RELL1: variants seen among roughly 807,000 people sequenced by gnomAD.
RELL1 encodes the protein RELT-like protein 1.
In RELL1, 10 loss-of-function variants were observed where a neutral mutation model predicts 23.0. The ratio of observed to expected loss-of-function variants is 0.43; its 90% CI spans 0.27 to 0.74. RELL1 has a LOEUF of 0.74. Ranked by LOEUF, RELL1 falls within the 30% of genes least tolerant of loss-of-function variation. The probability of loss-of-function intolerance (pLI) is 0.19; values close to 1 mark genes in which losing one functional copy is unlikely to be tolerated. For synonymous variants in RELL1, 146 were observed against 146.8 expected, an observed-to-expected ratio of 0.99 and a Z score of 0.04; for missense variants, 315 against 364.4, an observed-to-expected ratio of 0.86 and a Z score of 1.10.
At chr4:37,622,331 G>A (rs1336583205) in intron 6 of RELL1, among the ~76,000 whole-genome samples, 1 of 152,194 alleles carries the variant, frequency 6.6e-6, no homozygotes, top group African/African-American at 2.4e-5. Flanking sequence ...AGGACATAGT[G>A]AACACTGATC....
intron 6 of RELL1, among the ~76,000 whole-genome samples, chr4:37,597,772 T>C (rs144110552): frequency 5.8e-4 from 89 of 152,242 alleles, no homozygotes; most frequent in East Asian, 3.1e-3. Context: ...TTACAGGGGC[T>C]GGGTGCCGTG....
chr4:37,595,219 A>G (rs1031899808), intron 6 of RELL1, among the ~76,000 whole-genome samples: 1 of 152,182 alleles, frequency 6.6e-6, no homozygotes, highest in African/African-American at 2.4e-5. Context: ...TAAATTTGTA[A>G]GTTTCTCATA....
chr4:37,605,637 G>C (rs1346167894), downstream of RELL1, among the ~76,000 whole-genome samples: 1 of 151,734 alleles, frequency 6.6e-6, no homozygotes, highest in Non-Finnish European at 1.5e-5. Context: ...AGCTACTCAG[G>C]AGGCTGAGGC....
At chr4:37,599,501 G>A (rs1004823512) in intron 6 of RELL1, among the ~76,000 whole-genome samples, 1 of 152,128 alleles carries the variant, frequency 6.6e-6, no homozygotes, top group Non-Finnish European at 1.5e-5. Context: ...ACTGGAATTT[G>A]GGGGAAAACA....
Position 37,612,590 on chromosome 4 carries a change from T to G in RELL1, c.*756A>C, listed in dbSNP as rs187942209. ...AGGTGGAGATTGAGGTGAGTGGAGATTGTGCCACTGCACTCCAGCCTAGGG... is the reference window on the plus strand; with the variant it reads ...AGGTGGAGATTGAGGTGAGTGGAGAGTGTGCCACTGCACTCCAGCCTAGGG... On this transcript the variant is annotated 3_prime_UTR_variant, in exon 7 of 7. Coordinates refer to ENST00000454158, the MANE Select transcript of RELL1 (RefSeq NM_001085400.2). Among the ~76,000 whole-genome samples, 45 of 149,168 alleles carry G rather than the reference T, an allele frequency of 3.0e-4. 1 individual carries two copies. In the East Asian group the frequency reaches 8.7e-3, roughly 29 times the overall value.
rs36064800 is a variant in RELL1 at position 37,612,176 on chromosome 4, C to CAA, written c.*1168_*1169dup. Among the ~76,000 whole-genome samples the CAA allele has an allele frequency of 2.8e-4, 15 of 53,770 alleles. No homozygotes were observed. Among genetic ancestry groups the CAA allele is most frequent in the African/African-American group, 6.8e-4 (10 of 14,620 alleles). The allele number at this position is 53,770 out of a possible 152,430, so 35.3% of individuals were successfully genotyped here. A position where few individuals can be genotyped will look rare whatever the true frequency, so the allele number is the denominator to read the frequency against. ...TGGGCGACAGAGCGAGACTCCGCCT[C>CAA]AAAAAAAAAAAAAAAAAAAAAAAAA... On this transcript the variant is annotated 3_prime_UTR_variant, in exon 7 of 7. Coordinates refer to ENST00000454158, the MANE Select transcript of RELL1 (RefSeq NM_001085400.2).
intron 1 of RELL1, among the ~76,000 whole-genome samples, chr4:37,671,758 T>C (rs754795416): frequency 1.5e-5 from 1 of 64,520 alleles, no homozygotes; most frequent in African/African-American, 3.0e-5. Context: ...ATAGCCATTC[T>C]TTATTCCTTT....
At chr4:37,668,410 G>A (rs1284886060) in intron 1 of RELL1, among the ~76,000 whole-genome samples, 1 of 152,162 alleles carries the variant, frequency 6.6e-6, no homozygotes, top group Admixed American at 6.5e-5. Context: ...TGGAGACGGG[G>A]TTTCGCTGTG....
intron 6 of RELL1, among the ~76,000 whole-genome samples, chr4:37,630,489 T>G (rs1432974287): frequency 6.7e-6 from 1 of 149,534 alleles, no homozygotes; most frequent in Non-Finnish European, 1.5e-5. Flanking sequence ...CTCAGCCTCC[T>G]GAGTAGCTGG....
chr4:37,605,791 A>AAGAG (rs879276161), downstream of RELL1, among the ~76,000 whole-genome samples: 19 of 71,082 alleles, frequency 2.7e-4, no homozygotes, highest in Admixed American at 6.2e-4. Context: ...GAGAGAAAGA[A>AAGAG]AGAGAAAGAA....
chr4:37,596,551 C>T (rs577523838), intron 6 of RELL1, among the ~76,000 whole-genome samples: 32 of 151,218 alleles, frequency 2.1e-4, no homozygotes, highest in Admixed American at 8.6e-4. Flanking sequence ...ATATGGTTTA[C>T]AGTATTTAGC....
chr4:37,614,243 T>C (rs1181994396), intron 6 of RELL1, among the ~76,000 whole-genome samples: 10 of 152,224 alleles, frequency 6.6e-5, no homozygotes, highest in African/African-American at 2.4e-4. Flanking sequence ...TTCTGTCATT[T>C]GGTCATCCAT....
chr4:37,641,798 A>G (rs904727918), intron 3 of RELL1, among the ~76,000 whole-genome samples: 6 of 152,228 alleles, frequency 3.9e-5, no homozygotes, highest in Non-Finnish European at 8.8e-5. Context: ...TTTCCCAAGC[A>G]AAAACTAACA....
intron 1 of RELL1, among the ~76,000 whole-genome samples, chr4:37,682,406 T>C (rs553496801): frequency 6.6e-6 from 1 of 152,356 alleles, no homozygotes; most frequent in African/African-American, 2.4e-5. Context: ...TTATTCTTTT[T>C]GTCAGCTTTA....
chr4:37,662,797 G>A (rs1287749794), intron 1 of RELL1, among the ~76,000 whole-genome samples: 3 of 146,838 alleles, frequency 2.0e-5, no homozygotes, highest in Non-Finnish European at 3.0e-5. Context: ...CTCCCACCTC[G>A]CCCAAAGCTC....
In RELL1 at chr4:37,630,356, G is replaced by GTT. The variant is rs59763359; in HGVS notation, c.*3+1027_*3+1028dup. On this transcript the variant is annotated intron_variant, in intron 6 of 6. Transcript: ENST00000454158. ...CAGGGTTCTGGTGCGTGTGTGTGTG[G>GTT]TTTTTTTTTTTTTTTTTTTTTTTTT... is the stretch of plus-strand genomic sequence containing the variant. 7.0e-3 allele frequency among the ~76,000 whole-genome samples: 605 copies of GTT among 86,730 alleles called. 92 individuals are homozygous for GTT. The highest frequency in any genetic ancestry group is 0.017 in the East Asian group (41 of 2,434). The allele number at this position is 86,730 out of a possible 152,430, so 56.9% of individuals were successfully genotyped here. A position where few individuals can be genotyped will look rare whatever the true frequency, so the allele number is the denominator to read the frequency against.
At chr4:37,631,766 T>C (rs1720144840) in intron 5 of RELL1, among the ~76,000 whole-genome samples, 2 of 152,072 alleles carry the variant, frequency 1.3e-5, no homozygotes, top group African/African-American at 2.4e-5. Flanking sequence ...TTACAGAGCA[T>C]GCAAAAGGCA....
intron 6 of RELL1, among the ~76,000 whole-genome samples, chr4:37,626,942 G>A (rs1239088416): frequency 1.3e-5 from 2 of 152,064 alleles, no homozygotes; most frequent in Non-Finnish European, 2.9e-5. Context: ...AATTTCAAGA[G>A]ATCTATTGTA....
chr4:37,641,275 C>T (rs1720523577), intron 3 of RELL1, among the ~76,000 whole-genome samples: 1 of 152,018 alleles, frequency 6.6e-6, no homozygotes, highest in South Asian at 2.1e-4. Flanking sequence ...AGGTACATAC[C>T]CACATGTACA....
Sources: allele counts gnomAD v4.1 joint callset (sites outside exome capture counted in the v4.1 genomes callset), GRCh38; gene constraint gnomAD v4.1.1; transcripts MANE v1.5; gene names NCBI Gene and HGNC (gene_info 2026-07-23, HGNC 2026-07-21).